Variants in CWC22 observed in about 807,000 individuals in gnomAD.
CWC22 encodes the protein CWC22 spliceosome associated protein, also known as pre-mRNA-splicing factor CWC22 homolog.
CWC22 carries 53 observed loss-of-function variants against 117.2 expected under a neutral mutation model. That is an observed-to-expected ratio of 0.45 (90% CI 0.36 to 0.57). The LOEUF (loss-of-function observed/expected upper bound fraction) is 0.57, where lower values mean the gene tolerates loss of function less well. Ranked by LOEUF, CWC22 falls within the 20% of genes least tolerant of loss-of-function variation. The pLI, the probability that CWC22 is intolerant of heterozygous loss-of-function variation, is 0.00. For missense variants in CWC22, 980 were observed against 1,068.8 expected, an observed-to-expected ratio of 0.92 and a Z score of 1.16; for synonymous variants, 360 against 355.6, an observed-to-expected ratio of 1.01 and a Z score of -0.14.
intron 5 of CWC22, among the ~76,000 whole-genome samples, chr2:179,981,086 T>C (rs1687273344): frequency 6.6e-6 from 1 of 152,226 alleles, no homozygotes; most frequent in Non-Finnish European, 1.5e-5. Flanking sequence ...TAATAGATCA[T>C]GATCTGAAGA....
intron 1 of CWC22, among the ~76,000 whole-genome samples, chr2:180,000,791 C>T (rs908118900): frequency 6.6e-6 from 1 of 151,328 alleles, no homozygotes; most frequent in African/African-American, 2.4e-5. Context: ...AATTTTCAGA[C>T]ACTTTAAGAC....
intron 5 of CWC22, 56 bp from the exon 6 acceptor site, chr2:179,978,374 A>G (rs1687203482): frequency 1.5e-6 from 2 of 1,376,322 alleles, no homozygotes; most frequent in African/African-American, 1.5e-5. Flanking sequence ...ATAAGAAGCT[A>G]TAAGAACATA....
At chr2:179,953,421 TC>T (rs1686505023) in intron 16 of CWC22, among the ~76,000 whole-genome samples, 1 of 152,080 alleles carries the variant, frequency 6.6e-6, no homozygotes, top group Non-Finnish European at 1.5e-5. Flanking sequence ...TCTTTCAAAT[TC>T]CTTTAGTAAT....
Position 179,952,451 on chromosome 2 carries a change from G to T in CWC22, c.1817+20C>A. 1 of 1,544,616 alleles carries T rather than the reference G, an allele frequency of 6.5e-7. No homozygotes were observed. The highest frequency in any genetic ancestry group is 8.7e-7 in the Non-Finnish European group (1 of 1,144,984). ...AACCAGAGGTCAATAAGAATAAAAA[G>T]TGCTTAATGGCAAACTTACTCATCC... On this transcript the variant is annotated intron_variant, in intron 17 of 19. Coordinates refer to ENST00000410053, the MANE Select transcript of CWC22 (RefSeq NM_020943.3).
chr2:179,998,299 T>C (rs1368098314), intron 1 of CWC22, among the ~76,000 whole-genome samples: 1 of 152,182 alleles, frequency 6.6e-6, no homozygotes, highest in Non-Finnish European at 1.5e-5. Flanking sequence ...TTCTTAATAA[T>C]TCATAGGTAA....
chr2:179,977,699 C>T (rs1322503943), intron 6 of CWC22, among the ~76,000 whole-genome samples: 1 of 152,030 alleles, frequency 6.6e-6, no homozygotes, highest in Non-Finnish European at 1.5e-5. Flanking sequence ...AAGCTGAAAA[C>T]AGAGTAGATT....
At chr2:179,991,204 T>C (rs1337591985) in intron 2 of CWC22, among the ~76,000 whole-genome samples, 4 of 152,124 alleles carry the variant, frequency 2.6e-5, no homozygotes, top group African/African-American at 7.2e-5. Context: ...CTGAGTCCAG[T>C]GGCTTTCATG....
chr2:179,966,257 G>A (rs1044850383), intron 11 of CWC22, among the ~76,000 whole-genome samples: 2 of 152,144 alleles, frequency 1.3e-5, no homozygotes, highest in African/African-American at 2.4e-5. Context: ...GTAGACGATG[G>A]TTTTTGAAAA....
chr2:179,951,178 C>A (rs1243561593), intron 17 of CWC22, among the ~76,000 whole-genome samples: 1 of 151,792 alleles, frequency 6.6e-6, no homozygotes, highest in African/African-American at 2.4e-5. Flanking sequence ...TTTTTACACA[C>A]ACACATATAG....
chr2:179,989,408 T>G (rs1575655940), intron 2 of CWC22, among the ~76,000 whole-genome samples: 2 of 152,032 alleles, frequency 1.3e-5, no homozygotes, highest in East Asian at 3.9e-4. Flanking sequence ...CTATCTCCTT[T>G]GGCTTATGAA....
rs1687013035 is a variant in CWC22 at position 179,970,775 on chromosome 2, G to A, written c.1022C>T (p.Ala341Val). 1.2e-6 allele frequency: 2 copies of A among 1,613,518 alleles called. No individual in the cohort carries two copies. The highest frequency in any genetic ancestry group is 1.3e-5 in the African/African-American group (1 of 74,864). ...RVQYMIEVMF[A>V]VRKDGFKDHP... ...GTCCTTGAATCCATCTTTCCGTACA[G>A]CAAACATCACTTCAATCATATATTG... is the stretch of plus-strand genomic sequence containing the variant. The change falls in exon 10 of 20, where the codon GCT becomes GTT. Residue 341 changes from alanine (A) to valine (V), a missense_variant. Around this residue, in one of 3 missense-constraint regions of CWC22, gnomAD observed 559 missense variants for 602.3 expected, o/e 0.93. Transcript: ENST00000410053.
intron 13 of CWC22, among the ~76,000 whole-genome samples, chr2:179,963,326 TATTTA>T (rs1172839208): frequency 6.9e-6 from 1 of 145,702 alleles, no homozygotes; most frequent in African/African-American, 2.5e-5. Flanking sequence ...TATGAAAAAA[TATTTA>T]ATACTTTTTT....
At chr2:179,948,506 A>ATGTCTTC (rs1686365771) in intron 19 of CWC22, among the ~76,000 whole-genome samples, 1 of 152,188 alleles carries the variant, frequency 6.6e-6, no homozygotes, top group African/African-American at 2.4e-5. Flanking sequence ...TCACAGAGAA[A>ATGTCTTC]AATAGTTTCC....
intron 1 of CWC22, among the ~76,000 whole-genome samples, chr2:179,997,983 G>A (rs890283502): frequency 2.0e-5 from 3 of 152,138 alleles, no homozygotes; most frequent in Non-Finnish European, 4.4e-5. Context: ...TGCATGACAG[G>A]AGAATTACTT....
intron 1 of CWC22, among the ~76,000 whole-genome samples, chr2:179,998,398 T>G (rs1687761358): frequency 6.6e-6 from 1 of 152,116 alleles, no homozygotes; most frequent in East Asian, 1.9e-4. Context: ...CCTGTTCTGG[T>G]GATTTTTTTT....
chr2:179,970,549 C>T lies in CWC22; in HGVS notation c.1162G>A (p.Asp388Asn). 6.5e-7 allele frequency: 1 copy of T among 1,546,956 alleles called. No individual in the cohort carries two copies. Among genetic ancestry groups the T allele is most frequent in the Non-Finnish European group, 8.7e-7 (1 of 1,143,654 alleles). ...TCTTCATTCTCCATAAAATTAGGAT[C>T]CATCTTGAAAACATCTAAAAAAAAT... The part of the protein sequence containing the change: ...PEDVLNVFKM[D>N]PNFMENEEKY... Residue 388 changes from aspartate (D) to asparagine (N), a missense_variant, in exon 11 of 20, where the codon GAT (aspartate) becomes AAT (asparagine). By Grantham distance (23) the Asp-to-Asn change is conservative. Around this residue, in one of 3 missense-constraint regions of CWC22, gnomAD observed 559 missense variants for 602.3 expected, o/e 0.93. Transcript: ENST00000410053.
chr2:179,954,101 T>A, intron 16 of CWC22, 104 bp downstream of exon 16: 1 of 775,802 alleles, frequency 1.3e-6, no homozygotes, highest in South Asian at 2.7e-5. Flanking sequence ...ACATTTCATT[T>A]TAAAGCACAT....
Position 179,946,517 on chromosome 2 carries a change from C to T in CWC22, c.2141-802G>A, listed in dbSNP as rs150202987. Among the ~76,000 whole-genome samples the T allele has an allele frequency of 7.9e-3, 1,150 of 146,108 alleles. 13 individuals carry two copies. Among genetic ancestry groups the T allele is most frequent in the Middle Eastern group, 0.011 (3 of 270 alleles). On this transcript the variant is annotated intron_variant, in intron 19 of 19. Coordinates refer to ENST00000410053, the MANE Select transcript of CWC22 (RefSeq NM_020943.3). ...GGAAGGGGAATATATAATATCTCAA[C>T]ATTAGTTACCAAAGTACTGTTTTGA...
chr2:179,994,980 T>C (rs1687664414), intron 1 of CWC22, among the ~76,000 whole-genome samples: 1 of 152,208 alleles, frequency 6.6e-6, no homozygotes, highest in African/African-American at 2.4e-5. Context: ...TAGCCAGGCG[T>C]GGTGGCGGGC....
Sources: gnomAD v4.1 joint callset for allele counts (sites outside exome capture counted in the v4.1 genomes callset) on GRCh38, gnomAD v4.1.1 for gene constraint, gnomAD v4.1.1 regional missense constraint, MANE v1.5 for transcripts, NCBI Gene and HGNC (gene_info 2026-07-23, HGNC 2026-07-21) for gene names.